Variants in ZNF618 observed in about 807,000 individuals in gnomAD.
ZNF618 encodes the protein zinc finger protein 618.
ZNF618 carries 34 observed loss-of-function variants against 103.0 expected under a neutral mutation model. The observed-to-expected ratio is 0.33, with a 90% CI of 0.25 to 0.44. The LOEUF (loss-of-function observed/expected upper bound fraction) is 0.44. Among genes scored for constraint, ZNF618 ranks in the 20% least tolerant of loss-of-function variants. ZNF618 has a pLI of 1.00. For synonymous variants in ZNF618, 551 were observed against 542.2 expected (o/e 1.02, Z -0.23); for missense variants, 1,059 against 1,295.4 (o/e 0.82, Z 2.80).
chr9:114,002,036 T>C lies in ZNF618; in HGVS notation c.474T>C (p.Tyr158=), dbSNP rs748747190. The C allele has an allele frequency of 2.5e-5, 41 of 1,613,780 alleles. 1 individual carries two copies. ...GAATCTGTGGCAAGAAGTACAAGTA[T>C]TACAACTGCTTCCAGACCCACGTGC... is the stretch of plus-strand genomic sequence containing the variant. ...ECGICGKKYK[Y]YNCFQTHVRA... is the part of the protein sequence containing the mutation. The change falls in exon 5 of 15, where the codon TAT becomes TAC. Residue 158 remains tyrosine, a synonymous_variant. Transcript: ENST00000374126.
At chr9:113,993,471 G>T (rs2133412803) in intron 3 of ZNF618, among the ~76,000 whole-genome samples, 1 of 152,042 alleles carries the variant, frequency 6.6e-6, no homozygotes, top group Middle Eastern at 3.4e-3. Flanking sequence ...AACAGTGAGA[G>T]CATCCAGCCC....
intron 1 of ZNF618, among the ~76,000 whole-genome samples, chr9:113,891,424 C>T (rs755004699): frequency 6.6e-6 from 1 of 152,120 alleles, no homozygotes; most frequent in Non-Finnish European, 1.5e-5. Flanking sequence ...AGTTCAAAAC[C>T]ACAGTGAGAT....
At chr9:113,944,461 T>C (rs1554730804) in intron 1 of ZNF618, among the ~76,000 whole-genome samples, 2 of 152,250 alleles carry the variant, frequency 1.3e-5, no homozygotes, top group African/African-American at 2.4e-5. Context: ...GTATTTTTCA[T>C]TGAGACGGGA....
intron 2 of ZNF618, among the ~76,000 whole-genome samples, chr9:113,974,648 G>A (rs1043526781): frequency 6.6e-6 from 1 of 151,776 alleles, no homozygotes; most frequent in African/African-American, 2.4e-5. Flanking sequence ...TGTGTAGCCT[G>A]CATCCAAAAA....
intron 12 of ZNF618, among the ~76,000 whole-genome samples, chr9:114,034,693 T>G (rs1360624079): frequency 6.6e-6 from 1 of 152,198 alleles, no homozygotes; most frequent in African/African-American, 2.4e-5. Flanking sequence ...TGCTGCCTGC[T>G]GCGTTTGAGG....
intron 1 of ZNF618, among the ~76,000 whole-genome samples, chr9:113,878,826 T>G (rs1253795845): frequency 1.3e-5 from 2 of 152,186 alleles, no homozygotes; most frequent in Non-Finnish European, 2.9e-5. Context: ...CAACCCTGTT[T>G]TGTGGAAATT....
At position 113,969,257 on chromosome 9, in the gene ZNF618, G is replaced by T. The variant is rs576433401; in HGVS notation, c.77+97G>T. 60 of 1,484,924 alleles carry T rather than the reference G, an allele frequency of 4.0e-5. No individual in the cohort carries two copies. The African/African-American group carries it at 7.2e-4, about 18-fold the overall frequency. The allele number at this position is 1,484,924 out of a possible 1,614,324, so 92.0% of individuals were successfully genotyped here. A position where few individuals can be genotyped will look rare whatever the true frequency, so the allele number is the denominator to read the frequency against. ...TCTGGTCCTCATCTTCCCCCTGGAA[G>T]GATGGGTGGTCCAGGCCAGCCCTCC... is the stretch of plus-strand genomic sequence containing the variant. On this transcript the variant is annotated intron_variant, in intron 2 of 14. Coordinates refer to ENST00000374126, the MANE Select transcript of ZNF618 (RefSeq NM_001318042.2).
intron 1 of ZNF618, among the ~76,000 whole-genome samples, chr9:113,953,349 C>T (rs1326938630): frequency 6.6e-6 from 1 of 152,196 alleles, no homozygotes; most frequent in Non-Finnish European, 1.5e-5. Context: ...CATCCTAATA[C>T]CTGCCTCTAT....
At chr9:113,967,014 T>C (rs989238162) in intron 1 of ZNF618, among the ~76,000 whole-genome samples, 1 of 152,234 alleles carries the variant, frequency 6.6e-6, no homozygotes, top group Non-Finnish European at 1.5e-5. Context: ...CAGAGACTCT[T>C]ATCCCACACT....
chr9:114,032,562 C>T, intron 11 of ZNF618, 83 bp from the exon 12 acceptor site: 1 of 1,320,864 alleles, frequency 7.6e-7, no homozygotes, highest in Non-Finnish European at 1.1e-6. Flanking sequence ...GAGTCCTTGG[C>T]CTTCACCCAG....
Position 114,032,850 on chromosome 9 carries a change from G to C in ZNF618, c.1168+122G>C, listed in dbSNP as rs923662561. 16 of 860,958 alleles carry C rather than the reference G, an allele frequency of 1.9e-5. No homozygotes were observed. In the African/African-American group the frequency reaches 2.7e-4, roughly 14 times the overall value. 53.3% of individuals were successfully genotyped at this position (860,958 alleles called of 1,614,324 possible). A position where few individuals can be genotyped will look rare whatever the true frequency, so the allele number is the denominator to read the frequency against. ...TGTGGTGCATTATGGATCTTGTTGGGAGGAGGCTGGGAGCAGGGAATTAGA... is the reference window on the plus strand; with the variant it reads ...TGTGGTGCATTATGGATCTTGTTGGCAGGAGGCTGGGAGCAGGGAATTAGA... On this transcript the variant is annotated intron_variant, in intron 12 of 14. Coordinates refer to ENST00000374126, the MANE Select transcript of ZNF618 (RefSeq NM_001318042.2).
rs995797480 is a variant in ZNF618 at position 113,998,337 on chromosome 9, C to T, written c.416C>T (p.Ala139Val). The change falls in exon 4 of 15, where the codon GCA becomes GTA. Residue 139 changes from alanine (A) to valine (V), a missense_variant. Physicochemically the swap from Ala to Val is moderately conservative, Grantham distance 64 (BLOSUM62 0). Coordinates refer to ENST00000374126, the MANE Select transcript of ZNF618 (RefSeq NM_001318042.2). ...RYSGTWIFDQALRYASGSYEC... is the reference protein window; with the variant it reads ...RYSGTWIFDQVLRYASGSYEC... ...TCAGGGACCTGGATTTTTGACCAAG[C>T]ATTGAGATATGCATCTGGTACGTGA... 3 of 1,550,542 alleles carry T rather than the reference C, an allele frequency of 1.9e-6. No individual in the cohort carries two copies. Among genetic ancestry groups the T allele is most frequent in the Non-Finnish European group, 2.6e-6 (3 of 1,146,990 alleles).
intron 1 of ZNF618, among the ~76,000 whole-genome samples, chr9:113,957,118 A>C (rs1377404003): frequency 6.6e-6 from 1 of 152,218 alleles, no homozygotes; most frequent in Non-Finnish European, 1.5e-5. Context: ...ACTGTGCCAA[A>C]TAAATCCCGC....
intron 1 of ZNF618, among the ~76,000 whole-genome samples, chr9:113,916,180 A>G (rs956323473): frequency 1.6e-4 from 24 of 152,018 alleles, no homozygotes; most frequent in Non-Finnish European, 2.5e-4. Flanking sequence ...TCTGTGAAAT[A>G]TTGATCAATT....
intron 1 of ZNF618, among the ~76,000 whole-genome samples, chr9:113,893,110 C>T (rs992567941): frequency 3.3e-5 from 5 of 152,194 alleles, no homozygotes; most frequent in African/African-American, 7.2e-5. Flanking sequence ...TGGGCAGACT[C>T]GCCTTGTTAG....
At chr9:114,032,610 C>T in intron 11 of ZNF618, 35 bp from the exon 12 acceptor site, 1 of 1,602,774 alleles carries the variant, frequency 6.2e-7, no homozygotes. Context: ...GACCAATCAC[C>T]ATTGTTTTCT....
intron 1 of ZNF618, among the ~76,000 whole-genome samples, chr9:113,935,604 C>G (rs1833958061): frequency 6.6e-6 from 1 of 152,138 alleles, no homozygotes; most frequent in African/African-American, 2.4e-5. Flanking sequence ...TGCTGGCTGA[C>G]CTCTGAATAA....
chr9:113,998,571 T>C (rs2133556455), intron 4 of ZNF618, among the ~76,000 whole-genome samples: 1 of 152,306 alleles, frequency 6.6e-6, no homozygotes, highest in Non-Finnish European at 1.5e-5. Context: ...ATAGAGCATG[T>C]GGAAATCTGG....
intron 1 of ZNF618, among the ~76,000 whole-genome samples, chr9:113,948,309 T>C (rs998284639): frequency 3.9e-5 from 6 of 152,162 alleles, no homozygotes; most frequent in Non-Finnish European, 4.4e-5. Context: ...CAGTTCTAAG[T>C]TTCTAGGCAC....
Sources: gnomAD v4.1 joint callset for allele counts (sites outside exome capture counted in the v4.1 genomes callset) on GRCh38, gnomAD v4.1.1 for gene constraint, MANE v1.5 for transcripts, NCBI Gene and HGNC (gene_info 2026-07-23, HGNC 2026-07-21) for gene names.